SYTL2: variants seen among roughly 807,000 people sequenced by gnomAD.
SYTL2 encodes the protein synaptotagmin-like protein 2.
SYTL2 carries 165 observed loss-of-function variants against 198.7 expected under a neutral mutation model. The ratio of observed to expected loss-of-function variants is 0.83; its 90% CI spans 0.73 to 0.94. The LOEUF (loss-of-function observed/expected upper bound fraction) is 0.94. SYTL2 is among the 40% of genes least tolerant of loss of function. The pLI is 0.00. For missense variants in SYTL2, 2,835 were observed against 2,582.8 expected, an observed-to-expected ratio of 1.10 and a Z score of -2.12; for synonymous variants, 966 against 917.7, an observed-to-expected ratio of 1.05 and a Z score of -0.95.
In SYTL2 at chr11:85,704,988, T is replaced by C. The variant is rs1357304589; in HGVS notation, c.6059A>G (p.Asn2020Ser). The C allele has an allele frequency of 1.9e-6, 3 of 1,613,230 alleles. No homozygotes were observed. Residue 2020 changes from asparagine (N) to serine (S), a missense_variant, in exon 16 of 20, where the codon AAC becomes AGC. This residue lies in a region of SYTL2 where 2,645 missense variants were observed against 2,381.7 expected (regional missense o/e 1.11). Coordinates refer to ENST00000359152, the MANE Select transcript of SYTL2 (RefSeq NM_206927.4). Reference protein sequence around the residue: ...EKQILKTQKLNLSIWHRDTFK... With the variant: ...EKQILKTQKLSLSIWHRDTFK... The stretch of plus-strand genomic sequence containing the variant: ...TGTATCCCGATGCCAAATGGACAGG[T>C]TCAATTTCTGTGTCTTTAAGATTTG...
At chr11:85,831,016 G>A in the SYTL2 span, among the ~76,000 whole-genome samples, 1,548 of 152,256 alleles carry the variant, frequency 0.01, 22 homozygotes, top group African/African-American at 0.032. Flanking sequence ...TCAGTTCTAC[G>A]CCCTGGGGTT....
chr11:85,711,319 G>A (rs2086237273), intron 12 of SYTL2, 87 bp from the exon 13 acceptor site: 1 of 1,416,650 alleles, frequency 7.1e-7, no homozygotes, highest in South Asian at 1.3e-5. Flanking sequence ...TGAGATTTTG[G>A]TATTCCACTG....
intron 4 of SYTL2, among the ~76,000 whole-genome samples, chr11:85,737,937 C>T (rs868385054): frequency 1.3e-5 from 2 of 152,142 alleles, no homozygotes; most frequent in Non-Finnish European, 2.9e-5. Flanking sequence ...CACGGAGGCC[C>T]TGGGTGGGGA....
chr11:85,737,336 T>A (rs928292412), intron 5 of SYTL2, among the ~76,000 whole-genome samples: 2 of 152,202 alleles, frequency 1.3e-5, no homozygotes, highest in African/African-American at 4.8e-5. Flanking sequence ...TCAGACTTTT[T>A]ACCCTCTAGG....
the SYTL2 span, among the ~76,000 whole-genome samples, chr11:85,826,688 C>CT: frequency 6.6e-6 from 1 of 152,200 alleles, no homozygotes; most frequent in Non-Finnish European, 1.5e-5. Context: ...AGAGCTCTCA[C>CT]TTTAGGAGAA....
Position 85,720,909 on chromosome 11 carries a change from C to A in SYTL2, c.5377G>T (p.Ala1793Ser), listed in dbSNP as rs115176756. ...PVLKTLERSA[A>S]RKMPSKSLED... ...AGACTTTTGGAAGGCATTTTCCTAG[C>A]GGCACTCCTTTCCAAAGTTTTCAAA... Residue 1793 changes from alanine (A) to serine (S), a missense_variant, in exon 9 of 20, where the codon GCT (alanine) becomes TCT (serine). Ala to Ser is a moderately conservative substitution (Grantham distance 99). Coordinates refer to ENST00000359152, the MANE Select transcript of SYTL2 (RefSeq NM_206927.4). The A allele has an allele frequency of 1.2e-6, 2 of 1,613,524 alleles. No homozygotes were observed. Among genetic ancestry groups the A allele is most frequent in the African/African-American group, 2.7e-5 (2 of 74,822 alleles).
rs535706995 is a variant in SYTL2, at chr11:85,701,974, G to A, written c.6190-1381C>T. ...ATAAAAAGCCTAACAGAATGAGACT[G>A]AAAAGGTAAGCAGGACTTTTAGCAG... On this transcript the variant is annotated intron_variant, in intron 16 of 19. Transcript: ENST00000359152. Among the ~76,000 whole-genome samples, 16 of 152,280 alleles carry A rather than the reference G, an allele frequency of 1.1e-4. No homozygotes were observed. In the East Asian group the frequency reaches 2.9e-3, roughly 28 times the overall value.
Position 85,725,759 on chromosome 11 carries a change from A to T in SYTL2, c.3599T>A (p.Val1200Asp), listed in dbSNP as rs773177233. The change falls in exon 8 of 20, where the codon GTT (valine) becomes GAT (aspartate). Residue 1200 changes from valine to aspartate, a missense_variant. Coordinates refer to ENST00000359152, the MANE Select transcript of SYTL2 (RefSeq NM_206927.4). ...AGAGTTCCGTTTAACCTTTGGATGA[A>T]CTACTGTTTTGTCAACATGCTCATT... ...IINEHVDKTV[V>D]HPKVKRNSLT... The T allele has an allele frequency of 5.0e-6, 8 of 1,614,160 alleles. No homozygotes were observed. Among genetic ancestry groups the T allele is most frequent in the Middle Eastern group, 3.3e-4 (2 of 6,062 alleles).
the SYTL2 span, among the ~76,000 whole-genome samples, chr11:85,833,020 AAAGAAAGAAAGAAAGAAAGAAAG>A: frequency 6.0e-5 from 1 of 16,634 alleles, no homozygotes; most frequent in African/African-American, 3.2e-4. Context: ...GAAAAGAAAG[AAAGAAAGAAAGAAAGAAAGAAAG>A]AAAGAAAGAA....
the SYTL2 span, among the ~76,000 whole-genome samples, chr11:85,829,048 T>TG: frequency 1.0e-5 from 1 of 99,802 alleles, no homozygotes; most frequent in Admixed American, 1.0e-4. Context: ...AAAAGAGCTC[T>TG]GTTTTTTTTT....
intron 1 of SYTL2, among the ~76,000 whole-genome samples, chr11:85,762,116 A>T (rs1413044757): frequency 9.9e-5 from 15 of 152,096 alleles, no homozygotes; most frequent in Non-Finnish European, 2.1e-4. Flanking sequence ...CTTCACACAG[A>T]TTCCTCCAAT....
chr11:85,709,581 T>C, intron 13 of SYTL2, 81 bp from the exon 14 acceptor site: 1 of 1,319,514 alleles, frequency 7.6e-7, no homozygotes, highest in Admixed American at 1.8e-5. Context: ...TAATCCCTGC[T>C]GGCATTATTT....
upstream of SYTL2, among the ~76,000 whole-genome samples, chr11:85,812,815 G>T (rs1423339381): frequency 7.4e-6 from 1 of 134,946 alleles, no homozygotes; most frequent in East Asian, 1.9e-4. Context: ...CCTTGCTGAG[G>T]GAAGCAGGCT....
intron 7 of SYTL2, among the ~76,000 whole-genome samples, chr11:85,733,340 A>T (rs1027498590): frequency 3.9e-5 from 6 of 152,222 alleles, no homozygotes; most frequent in Non-Finnish European, 7.3e-5. Flanking sequence ...TGATTTAACT[A>T]AAAACATTGT....
chr11:85,788,239 T>C (rs954048826), intron 1 of SYTL2, among the ~76,000 whole-genome samples: 2 of 152,228 alleles, frequency 1.3e-5, no homozygotes, highest in Admixed American at 1.3e-4. Flanking sequence ...GTAATAATGA[T>C]ACTGAGAGAG....
intron 1 of SYTL2, among the ~76,000 whole-genome samples, chr11:85,778,446 C>T (rs1377675048): frequency 4.6e-5 from 7 of 152,194 alleles, no homozygotes; most frequent in African/African-American, 7.2e-5. Context: ...CAACAGTACC[C>T]GGTACTAATT....
chr11:85,716,575 T>G (rs1591683938), intron 11 of SYTL2: 1 of 152,282 alleles, frequency 6.6e-6, no homozygotes, highest in East Asian at 1.9e-4. Flanking sequence ...ATCCAAAGAC[T>G]GTTGGGAAAT....
rs2087785384 is a variant in SYTL2, at chr11:85,718,773, T to C, written c.5482+17A>G. On this transcript the variant is annotated intron_variant, in intron 10 of 19. Transcript: ENST00000359152. ...GTTAATACAAAGACAGACACGCAAA[T>C]ACATAAAGATATTTACCATCTTCAG... 3 of 1,611,742 alleles carry C rather than the reference T, an allele frequency of 1.9e-6. No homozygotes were observed. In the East Asian group the frequency reaches 6.7e-5, roughly 36 times the overall value.
the SYTL2 span, among the ~76,000 whole-genome samples, chr11:85,832,764 TA>T: frequency 0.14 from 20,515 of 151,164 alleles, 1,671 homozygotes; most frequent in Middle Eastern, 0.19. Context: ...GATGATGCAG[TA>T]AGAATTGTTT....
Sources: allele counts gnomAD v4.1 joint callset (sites outside exome capture counted in the v4.1 genomes callset), GRCh38; gene constraint gnomAD v4.1.1; regional missense constraint gnomAD v4.1.1; transcripts MANE v1.5; gene names NCBI Gene and HGNC (gene_info 2026-07-23, HGNC 2026-07-21).